The following COL28A1 variants were observed in gnomAD, a reference collection of about 807,000 sequenced individuals.
The protein encoded by COL28A1 is collagen type XXVIII alpha 1 chain, also known as collagen alpha-1(XXVIII) chain.
COL28A1 carries 161 observed loss-of-function variants against 150.2 expected under a neutral mutation model. That is an observed-to-expected ratio of 1.07 (90% CI 0.94 to 1.22). The LOEUF (loss-of-function observed/expected upper bound fraction) is 1.22. Ranked by LOEUF, COL28A1 falls within the 50% of genes most tolerant of loss-of-function variation. The pLI, the probability that COL28A1 is intolerant of heterozygous loss-of-function variation, is 0.00. For synonymous variants in COL28A1, 552 were observed against 469.7 expected (o/e 1.18, Z -2.26); for missense variants, 1,617 against 1,388.3 (o/e 1.16, Z -2.62).
chr7:7,487,296 C>T (rs6964593), intron 13 of COL28A1, among the ~76,000 whole-genome samples: 112,255 of 152,082 alleles, frequency 0.74, 43,501 homozygotes, highest in East Asian at 0.95. Flanking sequence ...AAATTTTTTA[C>T]GCGGGGCACA....
intron 27 of COL28A1, among the ~76,000 whole-genome samples, chr7:7,389,118 T>C (rs1782377183): frequency 6.6e-6 from 1 of 152,188 alleles, no homozygotes; most frequent in African/African-American, 2.4e-5. Flanking sequence ...CTAGGGTTTT[T>C]TTTTAAGGTT....
At chr7:7,522,806 C>CCAAAAAAAA (rs1460030225) in intron 4 of COL28A1, among the ~76,000 whole-genome samples, 59 of 93,174 alleles carry the variant, frequency 6.3e-4, no homozygotes, top group African/African-American at 2.6e-3. Flanking sequence ...AGCTGAAGAG[C>CCAAAAAAAA]AAAAAAAAAA....
At position 7,519,999 on chromosome 7, in the gene COL28A1, G is replaced by GT. The variant is rs1006025612; in HGVS notation, c.813+62dup. 12 of 821,992 alleles carry GT rather than the reference G, an allele frequency of 1.5e-5. No individual in the cohort carries two copies. In the African/African-American group the frequency reaches 2.1e-4, roughly 14 times the overall value. 50.9% of individuals were successfully genotyped at this position (821,992 alleles called of 1,614,324 possible). ...AATGCTTTTTATTTTTAAAATTGTT[G>GT]TTTTAAAAAAAAAGTCTAGAAGGAG... On this transcript the variant is annotated intron_variant, in intron 6 of 34. Transcript: ENST00000399429.
intron 30 of COL28A1, among the ~76,000 whole-genome samples, chr7:7,378,259 C>T (rs1338075291): frequency 1.3e-5 from 2 of 152,144 alleles, no homozygotes; most frequent in Non-Finnish European, 2.9e-5. Context: ...TCTCCTTCCC[C>T]ACATTTGATA....
chr7:7,415,331 A>G (rs577105724), intron 27 of COL28A1, among the ~76,000 whole-genome samples: 6 of 152,354 alleles, frequency 3.9e-5, no homozygotes, highest in Admixed American at 1.3e-4. Context: ...CTGTTCCTAT[A>G]TCCTTGAAAT....
At chr7:7,540,602 C>A (rs1015679591), upstream of COL28A1, among the ~76,000 whole-genome samples, 1 of 152,154 alleles carries the variant, frequency 6.6e-6, no homozygotes, top group Non-Finnish European at 1.5e-5. Flanking sequence ...TCTCTAAATG[C>A]CCTAGAAAAT....
intron 13 of COL28A1, among the ~76,000 whole-genome samples, chr7:7,482,681 C>T (rs1003537709): frequency 6.6e-6 from 1 of 151,974 alleles, no homozygotes; most frequent in African/African-American, 2.4e-5. Flanking sequence ...AGCAAGCAAG[C>T]AAGCAAGAAT....
At position 7,436,380 on chromosome 7, in the gene COL28A1, A is replaced by G. The variant is rs1352241875; in HGVS notation, c.1860+15T>C. ...TCAGATACAGAAAAACAAAAAGAAC[A>G]TGAATAAAGCATACCTTTGGTCCTC... On this transcript the variant is annotated intron_variant, in intron 23 of 34. Coordinates refer to ENST00000399429, the MANE Select transcript of COL28A1 (RefSeq NM_001037763.3). The G allele has an allele frequency of 3.4e-6, 4 of 1,180,762 alleles. No individual in the cohort carries two copies. Among genetic ancestry groups the G allele is most frequent in the African/African-American group, 3.0e-5 (2 of 66,810 alleles). 73.1% of individuals were successfully genotyped at this position (1,180,762 alleles called of 1,614,324 possible). A position where few individuals can be genotyped will look rare whatever the true frequency, so the allele number is the denominator to read the frequency against.
rs1780416952 is a variant in COL28A1, at chr7:7,357,920, G to C, written c.*713C>G. 6.6e-6 allele frequency: 1 copy of C among 152,082 alleles called. No individual in the cohort carries two copies. 9.4% of individuals were successfully genotyped at this position (152,082 alleles called of 1,614,324 possible). A position where few individuals can be genotyped will look rare whatever the true frequency, so the allele number is the denominator to read the frequency against. On this transcript the variant is annotated 3_prime_UTR_variant, in exon 35 of 35. Transcript: ENST00000399429. Reference sequence around the variant, plus strand: ...CCTTCCCATTCCACTCCATAAAATGGAAGGGCCCACTGACATATTTTAATG... The same window carrying C: ...CCTTCCCATTCCACTCCATAAAATGCAAGGGCCCACTGACATATTTTAATG...
intron 27 of COL28A1, among the ~76,000 whole-genome samples, chr7:7,401,087 T>C (rs1783176296): frequency 6.7e-6 from 1 of 149,824 alleles, no homozygotes; most frequent in Admixed American, 6.7e-5. Context: ...CATGTTTCAG[T>C]TCTCATCTAA....
chr7:7,507,917 AT>A (rs1174915521), intron 9 of COL28A1, among the ~76,000 whole-genome samples: 1 of 152,090 alleles, frequency 6.6e-6, no homozygotes, highest in African/African-American at 2.4e-5. Flanking sequence ...TGTCCTACCC[AT>A]TTGGCCTTAC....
chr7:7,352,936 A>T (rs1780263837), downstream of COL28A1, among the ~76,000 whole-genome samples: 2 of 152,178 alleles, frequency 1.3e-5, no homozygotes, highest in Non-Finnish European at 2.9e-5. Flanking sequence ...CGTAAGGGAA[A>T]GGAAAAAAAT....
At chr7:7,489,168 G>A (rs1779782498) in intron 13 of COL28A1, among the ~76,000 whole-genome samples, 1 of 152,110 alleles carries the variant, frequency 6.6e-6, no homozygotes. Context: ...CTAATTAGAG[G>A]CTGAGGCAGG....
chr7:7,542,102 C>G, the COL28A1 span, among the ~76,000 whole-genome samples: 3 of 152,196 alleles, frequency 2.0e-5, no homozygotes, highest in African/African-American at 7.2e-5. Flanking sequence ...GTAATCCCAG[C>G]ACTTTGGGAG....
At chr7:7,446,817 C>T (rs1174194671) in intron 18 of COL28A1, among the ~76,000 whole-genome samples, 2 of 152,174 alleles carry the variant, frequency 1.3e-5, no homozygotes, top group Non-Finnish European at 2.9e-5. Flanking sequence ...AGGAGACAAA[C>T]ATGCATCTGG....
downstream of COL28A1, chr7:7,356,098 A>C (rs549702923): frequency 7.2e-5 from 11 of 152,338 alleles, no homozygotes; most frequent in South Asian, 2.3e-3. Flanking sequence ...CTAAATAATA[A>C]ATTATCTAGA....
intron 14 of COL28A1, among the ~76,000 whole-genome samples, chr7:7,475,352 C>T (rs1415443443): frequency 6.6e-6 from 1 of 152,070 alleles, no homozygotes; most frequent in East Asian, 1.9e-4. Context: ...TACAAATTAG[C>T]CCCAAATAGT....
At chr7:7,508,190 C>A (rs1468123108) in intron 9 of COL28A1, among the ~76,000 whole-genome samples, 1 of 151,794 alleles carries the variant, frequency 6.6e-6, no homozygotes, top group East Asian at 1.9e-4. Context: ...TGAGATCGCG[C>A]CACTGCACTC....
intron 15 of COL28A1, among the ~76,000 whole-genome samples, chr7:7,458,191 C>A (rs1162657340): frequency 6.6e-6 from 1 of 152,190 alleles, no homozygotes; most frequent in South Asian, 2.1e-4. Flanking sequence ...CAGAGGTGGG[C>A]GGATCCCCTG....
Sources: allele counts gnomAD v4.1 joint callset (sites outside exome capture counted in the v4.1 genomes callset), GRCh38; gene constraint gnomAD v4.1.1; transcripts MANE v1.5; gene names NCBI Gene and HGNC (gene_info 2026-07-23, HGNC 2026-07-21).